The following SPEG variants were observed in gnomAD, a reference collection of about 807,000 sequenced individuals.
The protein encoded by SPEG is striated muscle preferentially expressed protein kinase.
Under a neutral mutation model 300.4 loss-of-function variants are expected in SPEG, and 114 were observed. The ratio of observed to expected loss-of-function variants is 0.38; its 90% confidence interval spans 0.33 to 0.44. SPEG has a LOEUF of 0.44. Among genes scored for constraint, SPEG ranks in the 20% least tolerant of loss-of-function variants. The pLI, the probability that SPEG is intolerant of heterozygous loss-of-function variation, is 1.00. For missense variants in SPEG, 4,201 were observed against 4,586.2 expected (o/e 0.92, Z 2.43); for synonymous variants, 1,964 against 2,018.9 (o/e 0.97, Z 0.73).
intron 3 of SPEG, 25 bp from the exon 4 acceptor site, chr2:219,447,949 A>G (rs376204443): frequency 1.4e-5 from 23 of 1,607,888 alleles, no homozygotes; most frequent in Non-Finnish European, 1.9e-5. Context: ...TGAATCCTCT[A>G]CCCTTCTCCA....
At position 219,480,172 on chromosome 2, in the gene SPEG, G is replaced by A. The variant is rs1692701921; in HGVS notation, c.5342+32G>A. Reference sequence around the variant, plus strand: ...CTGGCATGCTGGGCTGGGCCGACCAGGGCAGCTGCCCTTGGGGCTGTGCTG... The same window carrying A: ...CTGGCATGCTGGGCTGGGCCGACCAAGGCAGCTGCCCTTGGGGCTGTGCTG... On this transcript the variant is annotated intron_variant, in intron 25 of 40. Transcript: ENST00000312358. The surrounding 1 kb of genome is among the most constrained non-coding windows in gnomAD (Gnocchi z 5.3). 3 of 1,608,926 alleles carry A rather than the reference G, an allele frequency of 1.9e-6. No individual in the cohort carries two copies. In the African/African-American group the frequency reaches 4.0e-5, roughly 21 times the overall value.
At chr2:219,488,979 G>C (rs1251080192) in intron 34 of SPEG, 75 bp from the exon 35 acceptor site, 1 of 1,605,774 alleles carries the variant, frequency 6.2e-7, no homozygotes, top group Admixed American at 1.7e-5. Context: ...TGCCCTCCCA[G>C]GCTCCACAGA....
chr2:219,487,471 A>C (rs749192434), intron 31 of SPEG, among the ~76,000 whole-genome samples: 21 of 152,210 alleles, frequency 1.4e-4, no homozygotes, highest in Non-Finnish European at 3.1e-4. Context: ...TGGGCGTGGG[A>C]TTATTTTCCT....
At chr2:219,460,896 G>C (rs1382923366) in intron 6 of SPEG, 2 of 986,136 alleles carry the variant, frequency 2.0e-6, no homozygotes, top group Non-Finnish European at 2.4e-6. Flanking sequence ...TCCCTGGGGA[G>C]CCACGCTGGG....
intron 9 of SPEG, chr2:219,466,736 C>T (rs1575115692): frequency 5.0e-6 from 5 of 1,004,470 alleles, no homozygotes; most frequent in South Asian, 9.0e-5. Flanking sequence ...GGCTGGGGTG[C>T]TCTGTCTGGG....
chr2:219,493,249 T>G lies in SPEG; in HGVS notation c.*463T>G. 1 of 356,596 alleles carries G rather than the reference T, an allele frequency of 2.8e-6. No individual in the cohort carries two copies. The highest frequency in any genetic ancestry group is 3.8e-5 in the Admixed American group (1 of 26,464). The allele number at this position is 356,596 out of a possible 1,614,324, so 22.1% of individuals were successfully genotyped here. ...AAGCGGGGGCAGGACACAGATACAG[T>G]GGCAGGGGCCCAGGGCTGGGACATG... On this transcript the variant is annotated 3_prime_UTR_variant, in exon 41 of 41. Coordinates refer to ENST00000312358, the MANE Select transcript of SPEG (RefSeq NM_005876.5).
At chr2:219,490,705 A>G (rs752699078) in intron 37 of SPEG, 28 bp from the exon 38 acceptor site, 1 of 1,611,754 alleles carries the variant, frequency 6.2e-7, no homozygotes, top group Middle Eastern at 1.7e-4. Flanking sequence ...TGGGCCGGGT[A>G]TCATCTGCTC....
Position 219,484,465 on chromosome 2 carries a change from G to C in SPEG, c.7002G>C (p.Glu2334Asp), listed in dbSNP as rs1188395125. ...ACTTGGAGTCGGAGGCCGTGTTCGA[G>C]GCCAAGTTCAAGCGCAGCCGCGAGT... ...IENLESEAVF[E>D]AKFKRSRESP... The change falls in exon 30 of 41, where the codon GAG becomes GAC. Residue 2334 changes from glutamate (E) to aspartate (D), a missense_variant. Glu to Asp is a conservative substitution (Grantham distance 45). Coordinates refer to ENST00000312358, the MANE Select transcript of SPEG (RefSeq NM_005876.5). The C allele has an allele frequency of 6.2e-7, 1 of 1,611,184 alleles. No homozygotes were observed. The highest frequency in any genetic ancestry group is 1.3e-5 in the African/African-American group (1 of 75,042).
chr2:219,435,388 G>A lies in SPEG; in HGVS notation c.388+23G>A, dbSNP rs778221700. 7.2e-6 allele frequency: 11 copies of A among 1,520,866 alleles called. No homozygotes were observed. In the South Asian group the frequency reaches 1.1e-4, roughly 15 times the overall value. 94.2% of individuals were successfully genotyped at this position (1,520,866 alleles called of 1,614,324 possible). On this transcript the variant is annotated intron_variant, in intron 1 of 40. Coordinates refer to ENST00000312358, the MANE Select transcript of SPEG (RefSeq NM_005876.5). ...GAGGTAAAGGGCAGGTGGGGGCCGCGCCCGGCAGGGGCGGGGTGCTCAGAG... is the reference window on the plus strand; with the variant it reads ...GAGGTAAAGGGCAGGTGGGGGCCGCACCCGGCAGGGGCGGGGTGCTCAGAG...
Position 219,465,830 on chromosome 2 carries a change from C to T in SPEG, c.2881+1222C>T, listed in dbSNP as rs1022045092. 1.8e-4 allele frequency: 109 copies of T among 594,848 alleles called. No individual in the cohort carries two copies. The Middle Eastern group carries it at 3.1e-3, about 17-fold the overall frequency. 36.8% of individuals were successfully genotyped at this position (594,848 alleles called of 1,614,324 possible). A position where few individuals can be genotyped will look rare whatever the true frequency, so the allele number is the denominator to read the frequency against. On this transcript the variant is annotated intron_variant, in intron 9 of 40. Transcript: ENST00000312358. ...GCATGTGTGCGTGTGCGTGCGCATG[C>T]GTGCGTGTATGTGCATGCATGTGTG...
chr2:219,491,899 C>T, intron 39 of SPEG, 30 bp downstream of exon 39: 1 of 1,559,486 alleles, frequency 6.4e-7, no homozygotes, highest in Non-Finnish European at 8.7e-7. Flanking sequence ...CCGCAGCCCT[C>T]TCTGCCCATA....
In SPEG at chr2:219,445,455, C is replaced by A; in HGVS notation, c.815+294C>A. 2.1e-6 allele frequency: 1 copy of A among 479,356 alleles called. No individual in the cohort carries two copies. 29.7% of individuals were successfully genotyped at this position (479,356 alleles called of 1,614,324 possible). On this transcript the variant is annotated intron_variant, in intron 3 of 40. Transcript: ENST00000312358. This position sits in a 1 kb window ranked among gnomAD's most constrained non-coding sequence, Gnocchi z 6.1. ...CAAGATCTCCAGTTTCTCAGGGGCC[C>A]TCTTTTGCCTCACCCATTTGGGCTC...
At chr2:219,461,201 T>C (rs2125394323) in intron 6 of SPEG, 1 of 986,974 alleles carries the variant, frequency 1.0e-6, no homozygotes, top group East Asian at 1.1e-4. Flanking sequence ...CCCCCTCCTC[T>C]TCCCCCAGGC....
rs772613129 is a variant in SPEG, at chr2:219,485,402, A to G, written c.7666A>G (p.Lys2556Glu). ...GGGCTTCTCTCGGCCGCGGAAGGAC[A>G]AGGGGTTATCGCCACCAAACCTCTC... The part of the protein sequence containing the change: ...RWGFSRPRKD[K>E]GLSPPNLSAS... The change falls in exon 31 of 41, where the codon AAG (lysine) becomes GAG (glutamate). Residue 2556 changes from lysine to glutamate, a missense_variant. By Grantham distance (56) the Lys-to-Glu change is moderately conservative. Around this residue, in one of 4 missense-constraint regions of SPEG, gnomAD observed 1,578 missense variants for 1,506.0 expected, o/e 1.05. Coordinates refer to ENST00000312358, the MANE Select transcript of SPEG (RefSeq NM_005876.5). 6.2e-7 allele frequency: 1 copy of G among 1,608,484 alleles called. No homozygotes were observed. The highest frequency in any genetic ancestry group is 1.3e-5 in the African/African-American group (1 of 74,634).
chr2:219,435,464 C>T (rs1954692904), intron 1 of SPEG, 99 bp downstream of exon 1: 3 of 1,272,978 alleles, frequency 2.4e-6, no homozygotes, highest in South Asian at 1.7e-5. Context: ...ATACTGGTTC[C>T]GCCGCCTTCT....
chr2:219,490,059 G>A, intron 36 of SPEG, 120 bp downstream of exon 36: 1 of 1,193,676 alleles, frequency 8.4e-7, no homozygotes, highest in African/African-American at 1.5e-5. Flanking sequence ...CTGAGACCTG[G>A]GTTATTAGAA....
intron 1 of SPEG, chr2:219,441,739 G>A (rs1003540472): frequency 2.6e-6 from 1 of 379,836 alleles, no homozygotes; most frequent in Non-Finnish European, 5.3e-6. Flanking sequence ...CTCGGCGTTA[G>A]GAGGTGACCG....
chr2:219,434,938 G>A lies in SPEG; in HGVS notation c.-40G>A. 1 of 1,453,804 alleles carries A rather than the reference G, an allele frequency of 6.9e-7. No homozygotes were observed. The highest frequency in any genetic ancestry group is 1.4e-5 in the South Asian group (1 of 73,682). The allele number at this position is 1,453,804 out of a possible 1,614,324, so 90.1% of individuals were successfully genotyped here. ...CCGTCCCGCGGGTGCCCCCGTGGCC[G>A]CCCAGTTCCGGCGTCCCCCCAGCCC... is the stretch of plus-strand genomic sequence containing the variant. On this transcript the variant is annotated 5_prime_UTR_variant, in exon 1 of 41. Transcript: ENST00000312358.
At chr2:219,466,107 G>C in intron 9 of SPEG, 3 of 1,591,144 alleles carry the variant, frequency 1.9e-6, no homozygotes, top group Non-Finnish European at 2.6e-6. Flanking sequence ...CCTCCGAGCC[G>C]CGCCCCTGTC....
Sources: gnomAD v4.1 joint callset for allele counts (sites outside exome capture counted in the v4.1 genomes callset) on GRCh38, gnomAD v4.1.1 for gene constraint, gnomAD v4.1.1 regional missense constraint, Gnocchi (gnomAD v3.1) non-coding constraint, MANE v1.5 for transcripts, NCBI Gene and HGNC (gene_info 2026-07-23, HGNC 2026-07-21) for gene names.